PHLPP1: variants seen among roughly 807,000 people sequenced by gnomAD.
PHLPP1 encodes the protein PH domain leucine-rich repeat-containing protein phosphatase 1.
In PHLPP1, 42 loss-of-function variants were observed where a neutral mutation model predicts 117.2. The observed-to-expected ratio is 0.36, with a 90% CI of 0.28 to 0.46. PHLPP1 has a LOEUF of 0.46. Among genes scored for constraint, PHLPP1 ranks in the 20% least tolerant of loss-of-function variants. The pLI is 1.00. For synonymous variants in PHLPP1, 1,042 were observed against 970.7 expected (o/e 1.07, Z -1.37); for missense variants, 2,084 against 2,241.9 (o/e 0.93, Z 1.42).
Position 62,978,777 on chromosome 18 carries a change from C to A in PHLPP1, c.4500C>A (p.Pro1500=). The A allele has an allele frequency of 1.2e-6, 2 of 1,612,756 alleles. No individual in the cohort carries two copies. The highest frequency in any genetic ancestry group is 1.7e-6 in the Non-Finnish European group (2 of 1,179,570). Reference sequence around the variant, plus strand: ...CAACAGCCTCCGATGAGCCCCCGCCCGGAGCCCTAAGCGAGAACAGCCCTG... The same window carrying A: ...CAACAGCCTCCGATGAGCCCCCGCCAGGAGCCCTAAGCGAGAACAGCCCTG... ...VGSTASDEPP[P]GALSENSPAY... is the part of the protein sequence containing the mutation. Residue 1500 remains proline, a synonymous_variant, in exon 17 of 17, where the codon CCC becomes CCA. Transcript: ENST00000262719. This position sits in a 1 kb window ranked among gnomAD's most constrained non-coding sequence, Gnocchi z 7.0.
intron 4 of PHLPP1, among the ~76,000 whole-genome samples, chr18:62,877,395 C>T (rs970801308): frequency 5.3e-5 from 8 of 152,286 alleles, no homozygotes; most frequent in African/African-American, 1.7e-4. Flanking sequence ...TAAACAGCAG[C>T]GCTTAGAACA....
chr18:62,898,279 CT>C (rs761295408), intron 6 of PHLPP1, among the ~76,000 whole-genome samples: 17 of 152,324 alleles, frequency 1.1e-4, no homozygotes, highest in Admixed American at 2.0e-4. Flanking sequence ...AGTTCAGTGT[CT>C]TTCTTACTCA....
chr18:62,931,812 T>G (rs1909817586), intron 10 of PHLPP1, among the ~76,000 whole-genome samples: 1 of 149,628 alleles, frequency 6.7e-6, no homozygotes, highest in South Asian at 2.1e-4. Context: ...GGAGAACTGC[T>G]TGAATCCGGG....
At chr18:62,858,574 A>G (rs1186638752) in intron 3 of PHLPP1, among the ~76,000 whole-genome samples, 1 of 152,132 alleles carries the variant, frequency 6.6e-6, no homozygotes, top group African/African-American at 2.4e-5. Context: ...AGCAGAACAT[A>G]TCTTAGGCAG....
At chr18:62,758,022 A>G (rs1912083014) in intron 1 of PHLPP1, among the ~76,000 whole-genome samples, 1 of 152,218 alleles carries the variant, frequency 6.6e-6, no homozygotes, top group East Asian at 1.9e-4. Context: ...CTCGTCGGTT[A>G]TAGTGTGGTA....
chr18:62,912,219 G>T (rs1411509721), intron 8 of PHLPP1, among the ~76,000 whole-genome samples: 2 of 148,942 alleles, frequency 1.3e-5, no homozygotes, highest in African/African-American at 2.5e-5. Flanking sequence ...ACGTTAGTGG[G>T]TGCAGCGCAC....
intron 1 of PHLPP1, among the ~76,000 whole-genome samples, chr18:62,745,995 A>C (rs1295259592): frequency 2.0e-5 from 3 of 152,224 alleles, no homozygotes; most frequent in African/African-American, 7.2e-5. Context: ...GGAATACTCA[A>C]ATGCATGCCT....
chr18:62,964,547 A>G (rs1237455864), intron 14 of PHLPP1, among the ~76,000 whole-genome samples: 1 of 152,198 alleles, frequency 6.6e-6, no homozygotes, highest in Admixed American at 6.5e-5. Context: ...TGCTCTCTAG[A>G]GAAGAGTTAA....
intron 1 of PHLPP1, among the ~76,000 whole-genome samples, chr18:62,785,826 CAGGGGG>C (rs1304938392): frequency 1.3e-5 from 2 of 152,068 alleles, no homozygotes; most frequent in Non-Finnish European, 2.9e-5. Context: ...GTGGGCCATG[CAGGGGG>C]AAGAGTGGTA....
At position 62,717,394 on chromosome 18, in the gene PHLPP1, C is replaced by G. The variant is rs1168983890; in HGVS notation, c.1576+135C>G. ...TGAGTCTTTGTCTTAAACTTTACAG[C>G]TTTTTCATACAGTCTGTGTAGTACT... is the stretch of plus-strand genomic sequence containing the variant. On this transcript the variant is annotated intron_variant, in intron 1 of 16. Transcript: ENST00000262719. 3 of 1,179,090 alleles carry G rather than the reference C, an allele frequency of 2.5e-6. No homozygotes were observed. In the East Asian group the frequency reaches 7.9e-5, roughly 31 times the overall value. The allele number at this position is 1,179,090 out of a possible 1,614,324, so 73.0% of individuals were successfully genotyped here. A position where few individuals can be genotyped will look rare whatever the true frequency, so the allele number is the denominator to read the frequency against.
chr18:62,827,649 A>G (rs890865401), intron 1 of PHLPP1, among the ~76,000 whole-genome samples: 7 of 152,230 alleles, frequency 4.6e-5, no homozygotes, highest in Admixed American at 4.6e-4. Flanking sequence ...GATTTAATTC[A>G]TACTGGGATC....
chr18:62,815,105 GGGCTGGAGTTCTCTGGATTTGACCGT>G (rs1353849485), intron 1 of PHLPP1, among the ~76,000 whole-genome samples: 1 of 151,838 alleles, frequency 6.6e-6, no homozygotes, highest in Non-Finnish European at 1.5e-5. Context: ...CTGGCCCTAG[GGGCTGGAGTTCTCTGGATTTGACCGT>G]GGCTGGAGGA....
chr18:62,957,349 A>G (rs76811399), intron 12 of PHLPP1, among the ~76,000 whole-genome samples: 2,871 of 152,230 alleles, frequency 0.019, 93 homozygotes, highest in African/African-American at 0.065. Context: ...TTTTGTAACC[A>G]ACATGACCCT....
intron 1 of PHLPP1, among the ~76,000 whole-genome samples, chr18:62,792,991 A>G (rs1355020884): frequency 1.3e-5 from 2 of 151,922 alleles, no homozygotes; most frequent in Admixed American, 6.5e-5. Flanking sequence ...CCTGGCCAAC[A>G]TGGTGTAACC....
chr18:62,724,186 A>G (rs1000125762), intron 1 of PHLPP1, among the ~76,000 whole-genome samples: 2 of 152,190 alleles, frequency 1.3e-5, no homozygotes, highest in Non-Finnish European at 2.9e-5. Flanking sequence ...CATGCCAGAG[A>G]TGAGTATAAA....
chr18:62,803,377 T>C (rs1018470087), intron 1 of PHLPP1, among the ~76,000 whole-genome samples: 2 of 152,114 alleles, frequency 1.3e-5, no homozygotes, highest in Non-Finnish European at 2.9e-5. Flanking sequence ...CTCCTAGTTA[T>C]TACCTACCCA....
At chr18:62,749,375 A>G (rs952177782) in intron 1 of PHLPP1, among the ~76,000 whole-genome samples, 1 of 152,198 alleles carries the variant, frequency 6.6e-6, no homozygotes, top group Non-Finnish European at 1.5e-5. Context: ...ATGTGGGAGA[A>G]AGTATGTATT....
chr18:62,813,334 A>T (rs1195879120), intron 1 of PHLPP1, among the ~76,000 whole-genome samples: 1 of 152,224 alleles, frequency 6.6e-6, no homozygotes, highest in Non-Finnish European at 1.5e-5. Flanking sequence ...GGACTACTGA[A>T]GAATAATTGT....
intron 2 of PHLPP1, among the ~76,000 whole-genome samples, chr18:62,836,816 C>T (rs1339686578): frequency 1.3e-5 from 2 of 151,612 alleles, no homozygotes; most frequent in Non-Finnish European, 2.9e-5. Flanking sequence ...AATCCCAGCA[C>T]TTTGGGAGGC....
Sources: gnomAD v4.1 joint callset for allele counts (sites outside exome capture counted in the v4.1 genomes callset) on GRCh38, gnomAD v4.1.1 for gene constraint, Gnocchi (gnomAD v3.1) non-coding constraint, MANE v1.5 for transcripts, NCBI Gene and HGNC (gene_info 2026-07-23, HGNC 2026-07-21) for gene names.